PTPRN2: variants seen among roughly 807,000 people sequenced by gnomAD.
PTPRN2 encodes receptor-type tyrosine-protein phosphatase N2.
Under a neutral mutation model 118.8 loss-of-function variants are expected in PTPRN2, and 74 were observed. The ratio of observed to expected loss-of-function variants is 0.62; its 90% CI spans 0.52 to 0.76. The LOEUF (loss-of-function observed/expected upper bound fraction) is 0.76, where lower values mean the gene tolerates loss of function less well. Ranked by LOEUF, PTPRN2 falls within the 30% of genes least tolerant of loss-of-function variation. The pLI is 0.00. For missense variants in PTPRN2, 1,481 were observed against 1,394.4 expected, an observed-to-expected ratio of 1.06 and a Z score of -0.99; for synonymous variants, 641 against 608.0, an observed-to-expected ratio of 1.05 and a Z score of -0.80.
At position 158,565,581 on chromosome 7, in the gene PTPRN2, G is replaced by T. The variant is rs537042428; in HGVS notation, c.112+21977C>A. Among the ~76,000 whole-genome samples the T allele has an allele frequency of 6.6e-6, 1 of 152,194 alleles. No homozygotes were observed. Among genetic ancestry groups the T allele is most frequent in the African/African-American group, 2.4e-5 (1 of 41,442 alleles). On this transcript the variant is annotated intron_variant, in intron 1 of 22. Coordinates refer to ENST00000389418, the MANE Select transcript of PTPRN2 (RefSeq NM_002847.5). This position sits in a 1 kb window ranked among gnomAD's most constrained non-coding sequence, Gnocchi z 4.6. ...CAAACTTCCCGTCTGGGATCTGCAGGCTTCAACAACTGTCAAAGCACGGGA... is the reference window on the plus strand; with the variant it reads ...CAAACTTCCCGTCTGGGATCTGCAGTCTTCAACAACTGTCAAAGCACGGGA...
intron 12 of PTPRN2, among the ~76,000 whole-genome samples, chr7:157,871,664 AT>A (rs1811056749): frequency 6.6e-6 from 1 of 151,344 alleles, no homozygotes; most frequent in Non-Finnish European, 1.5e-5. Context: ...TTTTGGAGGG[AT>A]TTTTTCCTAT....
At chr7:158,180,707 G>A (rs760978956) in intron 5 of PTPRN2, among the ~76,000 whole-genome samples, 9 of 152,066 alleles carry the variant, frequency 5.9e-5, no homozygotes, top group South Asian at 2.1e-4. Context: ...TGAAGCCCTC[G>A]TACAGGGGAT....
intron 2 of PTPRN2, among the ~76,000 whole-genome samples, chr7:158,461,207 G>T (rs1460136922): frequency 6.6e-6 from 1 of 152,112 alleles, no homozygotes; most frequent in Non-Finnish European, 1.5e-5. Flanking sequence ...AAATCTTACA[G>T]CATAAAGGCC....
intron 6 of PTPRN2, among the ~76,000 whole-genome samples, chr7:158,151,645 TC>T (rs1256013247): frequency 1.3e-5 from 2 of 152,224 alleles, no homozygotes; most frequent in East Asian, 1.9e-4. Context: ...GGTGAAATAC[TC>T]CCCCGCCCCC....
At chr7:158,303,473 T>G (rs1452618035) in intron 3 of PTPRN2, among the ~76,000 whole-genome samples, 2 of 152,276 alleles carry the variant, frequency 1.3e-5, no homozygotes, top group Admixed American at 1.3e-4. Flanking sequence ...CAGTATTCCC[T>G]TCTCCATTAT....
chr7:157,673,750 C>T lies in PTPRN2; in HGVS notation c.2001+8975G>A, dbSNP rs545409221. ...CCGTTGCCTTTTTCTTCCTCTCCCA[C>T]GTTCTGTTCTCACGTACTCTGAACC... On this transcript the variant is annotated intron_variant, in intron 13 of 22. Transcript: ENST00000389418. Among the ~76,000 whole-genome samples, 14 of 152,264 alleles carry T rather than the reference C, an allele frequency of 9.2e-5. No individual in the cohort carries two copies. The South Asian group carries it at 2.3e-3, about 25-fold the overall frequency.
intron 11 of PTPRN2, among the ~76,000 whole-genome samples, chr7:157,955,911 C>A (rs573775568): frequency 2.0e-5 from 3 of 152,172 alleles, no homozygotes; most frequent in Non-Finnish European, 2.9e-5. Flanking sequence ...TAATACGTAG[C>A]CTTTGCATAT....
chr7:158,300,568 G>GCCACCCAGTCCCGCAGCGCCTCGCCCA (rs1800819604), intron 3 of PTPRN2, among the ~76,000 whole-genome samples: 7 of 151,846 alleles, frequency 4.6e-5, no homozygotes, highest in African/African-American at 1.7e-4. Flanking sequence ...CGCCTCGCCC[G>GCCACCCAGTCCCGCAGCGCCTCGCCCA]CCACCCAGTC....
At position 157,825,351 on chromosome 7, in the gene PTPRN2, G is replaced by C. The variant is rs75264563; in HGVS notation, c.1788+73322C>G. On this transcript the variant is annotated intron_variant, in intron 12 of 22. Coordinates refer to ENST00000389418, the MANE Select transcript of PTPRN2 (RefSeq NM_002847.5). The stretch of plus-strand genomic sequence containing the variant: ...GCAGCTCAGGGCTGAGGGCTGGAGC[G>C]GCAGGAGTAGAACACCTTGTTTCTG... Among the ~76,000 whole-genome samples the C allele has an allele frequency of 2.6e-5, 4 of 152,250 alleles. No homozygotes were observed. The East Asian group carries it at 7.7e-4, about 29-fold the overall frequency.
At chr7:158,406,050 ACG>A (rs2151420193) in intron 2 of PTPRN2, among the ~76,000 whole-genome samples, 1 of 139,334 alleles carries the variant, frequency 7.2e-6, no homozygotes, top group African/African-American at 2.8e-5. Context: ...TCCGTGAGAC[ACG>A]TGGCCGCACA....
intron 1 of PTPRN2, among the ~76,000 whole-genome samples, chr7:158,498,450 A>T (rs1426878342): frequency 6.6e-6 from 1 of 151,538 alleles, no homozygotes; most frequent in African/African-American, 2.4e-5. Context: ...CTTTTTGGGA[A>T]CCGCGCTCTC....
chr7:158,118,468 G>A (rs1184078693), intron 9 of PTPRN2, among the ~76,000 whole-genome samples: 1 of 152,160 alleles, frequency 6.6e-6, no homozygotes, highest in African/African-American at 2.4e-5. Flanking sequence ...AAAGAAGATA[G>A]TAATGCAGAA....
At chr7:158,151,612 A>T (rs1364188010) in intron 6 of PTPRN2, among the ~76,000 whole-genome samples, 1 of 152,076 alleles carries the variant, frequency 6.6e-6, no homozygotes, top group Admixed American at 6.6e-5. Flanking sequence ...CCTCCCCTTC[A>T]GGGACAGATG....
intron 12 of PTPRN2, among the ~76,000 whole-genome samples, chr7:157,806,795 A>C (rs1805662586): frequency 1.3e-5 from 2 of 152,232 alleles, no homozygotes; most frequent in Admixed American, 6.5e-5. Flanking sequence ...CAGTCCAGGC[A>C]GACCACGGCC....
chr7:158,244,494 T>C (rs143465593), intron 3 of PTPRN2, among the ~76,000 whole-genome samples: 44 of 152,236 alleles, frequency 2.9e-4, no homozygotes, highest in African/African-American at 1.0e-3. Context: ...GCTATGAGTG[T>C]TTATGAGTTT....
intron 17 of PTPRN2, among the ~76,000 whole-genome samples, chr7:157,580,878 C>T (rs1317538695): frequency 8.4e-6 from 1 of 119,108 alleles, no homozygotes; most frequent in African/African-American, 3.2e-5. Context: ...CTGCACACCC[C>T]AGCACCTGCA....
intron 11 of PTPRN2, among the ~76,000 whole-genome samples, chr7:158,072,823 G>A (rs549431258): frequency 2.0e-5 from 3 of 152,328 alleles, no homozygotes; most frequent in Admixed American, 2.0e-4. Context: ...AGTTTCAGAT[G>A]CCAACGGGCT....
chr7:157,595,516 TTAGGAAGCCAGAAGGTTAGGAAGCCA>T (rs1801259390), intron 16 of PTPRN2, among the ~76,000 whole-genome samples: 1 of 113,132 alleles, frequency 8.8e-6, no homozygotes, highest in African/African-American at 4.1e-5. Flanking sequence ...AGCCCGGAGG[TTAGGAAGCCAGAAGGTTAGGAAGCCA>T]GGAGGTTAGG....
chr7:158,395,673 CGCGAGGG>C (rs1563240729), intron 2 of PTPRN2, among the ~76,000 whole-genome samples: 1 of 22,772 alleles, frequency 4.4e-5, no homozygotes, highest in African/African-American at 1.8e-4. Context: ...AGGGGCGAGG[CGCGAGGG>C]GCGAGGCGCG....
Sources: gnomAD v4.1 joint callset for allele counts (sites outside exome capture counted in the v4.1 genomes callset) on GRCh38, gnomAD v4.1.1 for gene constraint, Gnocchi (gnomAD v3.1) non-coding constraint, MANE v1.5 for transcripts, NCBI Gene and HGNC (gene_info 2026-07-23, HGNC 2026-07-21) for gene names.